The following RCC1L variants were observed in gnomAD, a reference collection of about 807,000 sequenced individuals.
RCC1L encodes the protein RCC1 like, also known as RCC1-like G exchanging factor-like protein.
In RCC1L, 46 loss-of-function variants were observed where a neutral mutation model predicts 58.6. The ratio of observed to expected loss-of-function variants is 0.79; its 90% CI spans 0.62 to 1.00. The LOEUF (loss-of-function observed/expected upper bound fraction) is 1.00. RCC1L is among the 50% of genes least tolerant of loss of function. RCC1L has a pLI of 0.00. For synonymous variants in RCC1L, 281 were observed against 262.9 expected, an observed-to-expected ratio of 1.07 and a Z score of -0.67; for missense variants, 636 against 623.6, an observed-to-expected ratio of 1.02 and a Z score of -0.21.
chr7:75,073,557 C>T lies in RCC1L; in HGVS notation c.181G>A (p.Val61Ile), dbSNP rs587644610. ...GAGAAGCTGAAGCCCCACACGAAGA[C>T]GCGATCGGCGCGGGCAGCGCGCTCG... ...VGERAARADR[V>I]FVWGFSFSGA... The change falls in exon 1 of 11, where the codon GTC becomes ATC. Residue 61 changes from valine to isoleucine, a missense_variant. Transcript: ENST00000610322. 6.6e-7 allele frequency: 1 copy of T among 1,507,848 alleles called. No individual in the cohort carries two copies. The highest frequency in any genetic ancestry group is 8.8e-7 in the Non-Finnish European group (1 of 1,136,734). The allele number at this position is 1,507,848 out of a possible 1,614,324, so 93.4% of individuals were successfully genotyped here.
chr7:75,028,878 A>T (rs1262360949), intron 10 of RCC1L, among the ~76,000 whole-genome samples: 1 of 152,086 alleles, frequency 6.6e-6, no homozygotes, highest in Non-Finnish European at 1.5e-5. Context: ...AGAGGCGGGG[A>T]CCCAAAGCCT....
At chr7:75,060,365 C>A (rs1415874230) in intron 6 of RCC1L, among the ~76,000 whole-genome samples, 1 of 152,238 alleles carries the variant, frequency 6.6e-6, no homozygotes, top group Admixed American at 6.5e-5. Context: ...AGGGGTTACC[C>A]CCATACCAAG....
At chr7:75,044,599 G>GC (rs1227967486) in intron 10 of RCC1L, among the ~76,000 whole-genome samples, 1 of 40,662 alleles carries the variant, frequency 2.5e-5, no homozygotes, top group Non-Finnish European at 4.1e-5. Context: ...ACTCTGTCTC[G>GC]AAAAAAAAAA....
chr7:75,050,573 T>C (rs953003390), intron 10 of RCC1L, among the ~76,000 whole-genome samples: 9 of 152,152 alleles, frequency 5.9e-5, no homozygotes, highest in South Asian at 2.1e-4. Flanking sequence ...GTTTCCCAAG[T>C]TCCCCCCTCA....
intron 6 of RCC1L, among the ~76,000 whole-genome samples, chr7:75,059,551 C>T (rs963862400): frequency 1.5e-3 from 231 of 152,028 alleles, no homozygotes; most frequent in African/African-American, 5.2e-3. Context: ...GGATTATAGG[C>T]GTGAGCCACT....
At chr7:75,063,206 C>T in intron 5 of RCC1L, 86 bp downstream of exon 5, 1 of 1,413,126 alleles carries the variant, frequency 7.1e-7, no homozygotes. Context: ...ATCCCCCTAA[C>T]AAATTTGCCA....
chr7:75,068,952 C>T lies in RCC1L; in HGVS notation c.454+1688G>A, dbSNP rs587754691. 1.7e-3 allele frequency among the ~76,000 whole-genome samples: 253 copies of T among 152,098 alleles called. 1 individual carries two copies. Among genetic ancestry groups the T allele is most frequent in the Non-Finnish European group, 2.3e-3 (154 of 67,992 alleles). ...TGGTGCGATCTCGGCTCACTGCAAC[C>T]TCTGCCTCCCAGTTCAAGCGATTCT... On this transcript the variant is annotated intron_variant, in intron 2 of 10. Coordinates refer to ENST00000610322, the MANE Select transcript of RCC1L (RefSeq NM_030798.5).
intron 2 of RCC1L, among the ~76,000 whole-genome samples, chr7:75,067,143 A>C (rs1314335502): frequency 6.6e-6 from 1 of 151,860 alleles, no homozygotes; most frequent in Non-Finnish European, 1.5e-5. Context: ...TCTATTTAAA[A>C]TACAAAAATT....
chr7:75,066,924 G>T, intron 2 of RCC1L, 132 bp from the exon 3 acceptor site: 1 of 1,260,504 alleles, frequency 7.9e-7, no homozygotes. Context: ...AGGTAAGTTA[G>T]GCGCAGAGCA....
intron 1 of RCC1L, 69 bp from the exon 2 acceptor site, chr7:75,070,838 G>T: frequency 6.3e-7 from 1 of 1,582,000 alleles, no homozygotes; most frequent in Non-Finnish European, 8.6e-7. Flanking sequence ...TAAATGACAG[G>T]TTATTTATCA....
At chr7:75,052,129 C>T (rs1805931589) in intron 10 of RCC1L, among the ~76,000 whole-genome samples, 1 of 152,130 alleles carries the variant, frequency 6.6e-6, no homozygotes, top group Non-Finnish European at 1.5e-5. Context: ...TGCATACTAC[C>T]GCCCCTAAGG....
chr7:75,037,228 C>T (rs1415731402), downstream of RCC1L, among the ~76,000 whole-genome samples: 1 of 152,144 alleles, frequency 6.6e-6, no homozygotes, highest in African/African-American at 2.4e-5. Context: ...TCTGTCACCC[C>T]GGCTGGAGTG....
At chr7:75,051,272 A>C (rs1228530241) in intron 10 of RCC1L, among the ~76,000 whole-genome samples, 2 of 148,220 alleles carry the variant, frequency 1.3e-5, no homozygotes, top group African/African-American at 2.5e-5. Flanking sequence ...ATATATACAC[A>C]CATATATACA....
intron 8 of RCC1L, chr7:75,056,671 C>CGCTCTCCACTCCAGAGGTTT: frequency 6.5e-7 from 1 of 1,535,394 alleles, no homozygotes; most frequent in Admixed American, 2.0e-5. Flanking sequence ...TGAAGTAGTT[C>CGCTCTCCACTCCAGAGGTTT]GCTCTCCACT....
At position 75,061,217 on chromosome 7, in the gene RCC1L, A is replaced by G; in HGVS notation, c.777T>C (p.Asp259=). ...GEVYSCGWGA[D]GQTGLGHYNI... ...TGAAAAGAACTCTACCTGTTTGCCC[A>G]TCAGCACCCCATCCACAAGAATAGA... Residue 259 remains aspartate (D), a synonymous_variant, in exon 6 of 11, where the codon GAT becomes GAC. Transcript: ENST00000610322. 6.2e-7 allele frequency: 1 copy of G among 1,613,816 alleles called. No individual in the cohort carries two copies.
rs1167858149 is a variant in RCC1L, at chr7:75,061,053, G to A, written c.787+154C>T. ...CGCGCCACTGCACTCCAGCTTGGGC[G>A]ATGGAGCCAAGAATAGTGTTCCTCA... is the stretch of plus-strand genomic sequence containing the variant. On this transcript the variant is annotated intron_variant, in intron 6 of 10. Transcript: ENST00000610322. Among the ~76,000 whole-genome samples, 12 of 152,270 alleles carry A rather than the reference G, an allele frequency of 7.9e-5. No individual in the cohort carries two copies. In the East Asian group the frequency reaches 1.2e-3, roughly 15 times the overall value.
intron 10 of RCC1L, among the ~76,000 whole-genome samples, chr7:75,044,804 C>T (rs1225660126): frequency 4.6e-5 from 7 of 150,906 alleles, no homozygotes; most frequent in Admixed American, 6.6e-5. Flanking sequence ...TGGGAGGCCG[C>T]GGTGGGCAGG....
At chr7:75,056,737 C>A (rs1164742756) in intron 8 of RCC1L, 2 of 1,534,694 alleles carry the variant, frequency 1.3e-6, no homozygotes, top group Non-Finnish European at 1.7e-6. Context: ...ACAGATAAAT[C>A]GCAGACTATT....
chr7:75,029,822 T>G (rs1341870245), intron 10 of RCC1L, among the ~76,000 whole-genome samples: 1 of 151,924 alleles, frequency 6.6e-6, no homozygotes, highest in Non-Finnish European at 1.5e-5. Flanking sequence ...GACATTGGCT[T>G]TGGGTACCAT....
Sources: gnomAD v4.1 joint callset for allele counts (sites outside exome capture counted in the v4.1 genomes callset) on GRCh38, gnomAD v4.1.1 for gene constraint, MANE v1.5 for transcripts, NCBI Gene and HGNC (gene_info 2026-07-23, HGNC 2026-07-21) for gene names.